ITGA9: variants seen among roughly 807,000 people sequenced by gnomAD.
ITGA9 encodes integrin subunit alpha 9.
In ITGA9, 56 loss-of-function variants were observed where a neutral mutation model predicts 127.8. The observed-to-expected ratio is 0.44, with a 90% CI of 0.35 to 0.55. ITGA9 has a LOEUF of 0.55. Among genes scored for constraint, ITGA9 ranks in the 20% least tolerant of loss-of-function variants. The pLI is 0.00. For synonymous variants in ITGA9, 508 were observed against 514.5 expected (o/e 0.99, Z 0.17); for missense variants, 1,196 against 1,347.1 (o/e 0.89, Z 1.76).
chr3:37,563,830 T>C (rs559367054), intron 15 of ITGA9, among the ~76,000 whole-genome samples: 1 of 152,322 alleles, frequency 6.6e-6, no homozygotes, highest in South Asian at 2.1e-4. Context: ...CCCTGGTGTT[T>C]TTGTCATCTT....
At chr3:37,778,981 G>C (rs555344707) in intron 24 of ITGA9, among the ~76,000 whole-genome samples, 1 of 150,438 alleles carries the variant, frequency 6.6e-6, no homozygotes, top group African/African-American at 2.4e-5. Context: ...TTACGACTCT[G>C]TCTGGCTGAA....
chr3:37,776,034 A>G (rs551833663), intron 23 of ITGA9, among the ~76,000 whole-genome samples: 8 of 152,344 alleles, frequency 5.3e-5, no homozygotes, highest in African/African-American at 1.9e-4. Context: ...CTTTGCAGGA[A>G]CATGGATGGA....
chr3:37,721,686 T>C (rs1314586579), intron 18 of ITGA9, among the ~76,000 whole-genome samples: 1 of 152,172 alleles, frequency 6.6e-6, no homozygotes, highest in East Asian at 1.9e-4. Flanking sequence ...CCTCGGAGTG[T>C]TCGTGGCCAG....
chr3:37,672,002 C>G (rs1056321818), intron 17 of ITGA9, among the ~76,000 whole-genome samples: 1 of 152,046 alleles, frequency 6.6e-6, no homozygotes, highest in Non-Finnish European at 1.5e-5. Context: ...ATTAATGTTG[C>G]TGTTTGGATT....
intron 4 of ITGA9, 134 bp downstream of exon 4, chr3:37,481,741 C>T: frequency 8.1e-7 from 1 of 1,233,014 alleles, no homozygotes; most frequent in Non-Finnish European, 1.2e-6. Flanking sequence ...ACTGTTTGCT[C>T]CCAGATGGTC....
chr3:37,691,448 C>T (rs974685472), intron 18 of ITGA9, among the ~76,000 whole-genome samples: 1 of 152,112 alleles, frequency 6.6e-6, no homozygotes, highest in Non-Finnish European at 1.5e-5. Flanking sequence ...TCCAGCTTCA[C>T]CCACAGGGCA....
At chr3:37,751,027 G>A (rs182276313) in intron 23 of ITGA9, among the ~76,000 whole-genome samples, 1 of 152,230 alleles carries the variant, frequency 6.6e-6, no homozygotes, top group Non-Finnish European at 1.5e-5. Flanking sequence ...GGGCAGCAAG[G>A]CCCATATGGA....
chr3:37,769,742 G>T (rs1005441208), intron 23 of ITGA9, among the ~76,000 whole-genome samples: 10 of 152,190 alleles, frequency 6.6e-5, no homozygotes, highest in African/African-American at 2.4e-4. Flanking sequence ...TATCCTTTGC[G>T]ATCTACCTGC....
intron 16 of ITGA9, among the ~76,000 whole-genome samples, chr3:37,647,339 G>A (rs1009021011): frequency 6.6e-6 from 1 of 151,820 alleles, no homozygotes; most frequent in Middle Eastern, 3.2e-3. Context: ...TCATGAATTT[G>A]ATTTCATTGT....
intron 26 of ITGA9, among the ~76,000 whole-genome samples, chr3:37,794,117 G>A (rs939768730): frequency 1.8e-4 from 27 of 152,322 alleles, no homozygotes; most frequent in African/African-American, 6.3e-4. Flanking sequence ...CTGAATTCCT[G>A]TGAAGTGCTA....
intron 7 of ITGA9, among the ~76,000 whole-genome samples, chr3:37,507,984 C>CT (rs1344649268): frequency 6.6e-6 from 1 of 152,214 alleles, no homozygotes; most frequent in Non-Finnish European, 1.5e-5. Context: ...GCTAAAGGCT[C>CT]TAAAAAGTTC....
chr3:37,687,950 G>A (rs190510129), intron 18 of ITGA9, among the ~76,000 whole-genome samples: 1 of 152,290 alleles, frequency 6.6e-6, no homozygotes, highest in East Asian at 1.9e-4. Context: ...AGGCACCTTG[G>A]GCTTGTCTTC....
intron 13 of ITGA9, among the ~76,000 whole-genome samples, chr3:37,531,598 G>A (rs1488082979): frequency 1.3e-5 from 2 of 152,130 alleles, no homozygotes; most frequent in Non-Finnish European, 2.9e-5. Flanking sequence ...GATGGGGCGG[G>A]CTAGGCTTTT....
At chr3:37,581,512 C>A (rs903774068) in intron 15 of ITGA9, among the ~76,000 whole-genome samples, 14 of 152,100 alleles carry the variant, frequency 9.2e-5, no homozygotes, top group African/African-American at 3.4e-4. Flanking sequence ...TGTTCTTAGG[C>A]CATGTTGGAT....
At position 37,814,571 on chromosome 3, in the gene ITGA9, C is replaced by A. The variant is rs1249317579; in HGVS notation, c.3010-4320C>A. Among the ~76,000 whole-genome samples the A allele has an allele frequency of 6.6e-6, 1 of 151,968 alleles. No homozygotes were observed. Among genetic ancestry groups the A allele is most frequent in the African/African-American group, 2.4e-5 (1 of 41,362 alleles). On this transcript the variant is annotated intron_variant, in intron 27 of 27. Transcript: ENST00000264741. This position sits in a 1 kb window ranked among gnomAD's most constrained non-coding sequence, Gnocchi z 4.3. ...AGAGCGAGACTCCATCCCCCACCCC[C>A]CCAAAAAAGAAACAATATTAGTTTG...
chr3:37,483,252 C>A (rs536252816), intron 4 of ITGA9, among the ~76,000 whole-genome samples: 1 of 152,106 alleles, frequency 6.6e-6, no homozygotes, highest in African/African-American at 2.4e-5. Flanking sequence ...GGACAGCCCT[C>A]TGAAGAGGGA....
intron 18 of ITGA9, among the ~76,000 whole-genome samples, chr3:37,704,738 C>T (rs73827058): frequency 0.034 from 5,141 of 152,228 alleles, 205 homozygotes; most frequent in South Asian, 0.13. Flanking sequence ...CTCTTGTAGA[C>T]ACCAAAGAAA....
intron 1 of ITGA9, among the ~76,000 whole-genome samples, chr3:37,462,747 A>G (rs1698329247): frequency 6.6e-6 from 1 of 152,258 alleles, no homozygotes; most frequent in Non-Finnish European, 1.5e-5. Flanking sequence ...TTGGCCTTGC[A>G]GATAAAATAC....
chr3:37,579,478 T>A (rs1699685641), intron 15 of ITGA9, among the ~76,000 whole-genome samples: 1 of 152,144 alleles, frequency 6.6e-6, no homozygotes, highest in Non-Finnish European at 1.5e-5. Flanking sequence ...TAATTTGTCT[T>A]TATTTATGGA....
Sources: gnomAD v4.1 joint callset for allele counts (sites outside exome capture counted in the v4.1 genomes callset) on GRCh38, gnomAD v4.1.1 for gene constraint, Gnocchi (gnomAD v3.1) non-coding constraint, MANE v1.5 for transcripts, NCBI Gene and HGNC (gene_info 2026-07-23, HGNC 2026-07-21) for gene names.